SEM1: variants seen among roughly 807,000 people sequenced by gnomAD.
SEM1 encodes the protein SEM1 26S proteasome subunit.
A neutral mutation model predicts 12.7 loss-of-function variants in SEM1; 3 were observed. The observed-to-expected ratio is 0.24, with a 90% CI of 0.11 to 0.61. The LOEUF is 0.61. Among genes scored for constraint, SEM1 ranks in the 20% least tolerant of loss-of-function variants. The pLI is 0.88. For synonymous variants in SEM1, 30 were observed against 27.8 expected (o/e 1.08, Z -0.25); for missense variants, 59 against 81.3 (o/e 0.73, Z 1.06).
At chr7:96,588,353 AACACACACACACACACACACACAC>A (rs56655484) in intron 2 of SEM1, among the ~76,000 whole-genome samples, 6 of 140,948 alleles carry the variant, frequency 4.3e-5, no homozygotes, top group African/African-American at 1.4e-4. Context: ...TCTAAAAACA[AACACACACACACACACACACACAC>A]ACACACACAC....
At chr7:96,520,663 T>C (rs949799919) in intron 2 of SEM1, among the ~76,000 whole-genome samples, 1 of 152,064 alleles carries the variant, frequency 6.6e-6, no homozygotes. Context: ...CACCGTGGTA[T>C]AGGTTAAGAG....
chr7:96,486,411 T>G (rs180971835), exon 2 of SEM1: 4 of 1,536,802 alleles, frequency 2.6e-6, no homozygotes, highest in Non-Finnish European at 3.5e-6. Context: ...GCACAAATGT[T>G]GGAGTCCTAT....
At chr7:96,525,603 T>G (rs991079672) in intron 2 of SEM1, among the ~76,000 whole-genome samples, 1 of 152,104 alleles carries the variant, frequency 6.6e-6, no homozygotes, top group African/African-American at 2.4e-5. Flanking sequence ...ATTTGATGTT[T>G]GGTAGGGCTT....
intron 2 of SEM1, among the ~76,000 whole-genome samples, chr7:96,557,934 G>A (rs762800593): frequency 6.0e-4 from 92 of 152,168 alleles, no homozygotes; most frequent in Non-Finnish European, 1.2e-3. Context: ...GCAGTATTCG[G>A]GTGGGAGTGA....
chr7:96,627,673 G>C (rs1258713750), intron 2 of SEM1, among the ~76,000 whole-genome samples: 1 of 152,120 alleles, frequency 6.6e-6, no homozygotes, highest in African/African-American at 2.4e-5. Context: ...TTTAAGACTT[G>C]TTTTGTGACC....
upstream of SEM1, among the ~76,000 whole-genome samples, chr7:96,497,523 A>G (rs1203793117): frequency 6.6e-6 from 1 of 152,212 alleles, no homozygotes; most frequent in Non-Finnish European, 1.5e-5. Context: ...TCTCTAATGT[A>G]TCACATTTGT....
At chr7:96,624,769 A>G (rs1229349989) in intron 2 of SEM1, among the ~76,000 whole-genome samples, 1 of 152,120 alleles carries the variant, frequency 6.6e-6, no homozygotes, top group East Asian at 1.9e-4. Flanking sequence ...GGGAGCAGGA[A>G]GGGATATAAG....
At chr7:96,608,989 A>T (rs528055446) in intron 2 of SEM1, among the ~76,000 whole-genome samples, 1 of 152,314 alleles carries the variant, frequency 6.6e-6, no homozygotes, top group Non-Finnish European at 1.5e-5. Flanking sequence ...TAAATACCCA[A>T]TCGTATTTAA....
At chr7:96,564,750 C>T (rs1006321743) in intron 2 of SEM1, among the ~76,000 whole-genome samples, 1 of 151,844 alleles carries the variant, frequency 6.6e-6, no homozygotes, top group Non-Finnish European at 1.5e-5. Context: ...AATCTTACAC[C>T]CTTTTGATGG....
chr7:96,658,943 A>T (rs183387415), intron 2 of SEM1, among the ~76,000 whole-genome samples: 2 of 151,868 alleles, frequency 1.3e-5, no homozygotes, highest in East Asian at 3.9e-4. Context: ...TGAAGGGGGC[A>T]CCTTTTTTTC....
intron 2 of SEM1, among the ~76,000 whole-genome samples, chr7:96,588,293 G>A (rs1365286458): frequency 6.6e-6 from 1 of 151,580 alleles, no homozygotes; most frequent in Non-Finnish European, 1.5e-5. Flanking sequence ...GCTGCAATGA[G>A]CCACGATCAC....
At chr7:96,614,486 A>C (rs995299421) in intron 2 of SEM1, among the ~76,000 whole-genome samples, 1 of 152,230 alleles carries the variant, frequency 6.6e-6, no homozygotes, top group Non-Finnish European at 1.5e-5. Context: ...CTCAGGCAGC[A>C]AGAAGCTCTT....
chr7:96,652,210 A>G (rs1163559834), intron 2 of SEM1, among the ~76,000 whole-genome samples: 2 of 152,112 alleles, frequency 1.3e-5, no homozygotes, highest in Non-Finnish European at 2.9e-5. Context: ...TATTGAAATA[A>G]TATTTATTGC....
intron 2 of SEM1, among the ~76,000 whole-genome samples, chr7:96,683,722 C>A (rs115001222): frequency 5.3e-5 from 8 of 152,086 alleles, no homozygotes; most frequent in African/African-American, 1.9e-4. Context: ...GAGTTTATGT[C>A]CTCTGCAGGG....
chr7:96,506,465 G>A (rs910837167), intron 3 of SEM1, among the ~76,000 whole-genome samples: 2 of 151,916 alleles, frequency 1.3e-5, no homozygotes, highest in Admixed American at 6.6e-5. Flanking sequence ...AATTTTATAT[G>A]ATCATTATAT....
intron 1 of SEM1, among the ~76,000 whole-genome samples, chr7:96,488,049 T>C (rs1339816330): frequency 7.1e-6 from 1 of 140,140 alleles, no homozygotes; most frequent in African/African-American, 3.3e-5. Context: ...AATATTACTT[T>C]ATCTAGTAAG....
intron 3 of SEM1, among the ~76,000 whole-genome samples, chr7:96,502,854 G>C (rs1300123776): frequency 2.0e-5 from 3 of 152,162 alleles, no homozygotes; most frequent in Admixed American, 6.6e-5. Flanking sequence ...AATGAATGTG[G>C]ACAAGTTATG....
At chr7:96,649,781 A>G (rs571598897) in intron 2 of SEM1, 2 of 152,310 alleles carry the variant, frequency 1.3e-5, no homozygotes, top group Admixed American at 1.3e-4. Flanking sequence ...GTGTCCTTTC[A>G]TCCCCACAAA....
At chr7:96,563,327 T>A (rs1486097508) in intron 2 of SEM1, among the ~76,000 whole-genome samples, 2 of 151,542 alleles carry the variant, frequency 1.3e-5, no homozygotes, top group East Asian at 3.9e-4. Flanking sequence ...AGAGTGAGGA[T>A]GGGGAGGGAT....
Sources: gnomAD v4.1 joint callset for allele counts (sites outside exome capture counted in the v4.1 genomes callset) on GRCh38, gnomAD v4.1.1 for gene constraint, MANE v1.5 for transcripts, NCBI Gene and HGNC (gene_info 2026-07-23, HGNC 2026-07-21) for gene names.